The following CALN1 variants were observed in gnomAD, a reference collection of about 807,000 sequenced individuals.
The protein encoded by CALN1 is calneuron 1.
Under a neutral mutation model 30.6 loss-of-function variants are expected in CALN1, and 17 were observed. The observed-to-expected ratio is 0.56, with a 90% CI of 0.38 to 0.83. CALN1 has a LOEUF of 0.83. Among genes scored for constraint, CALN1 ranks in the 40% least tolerant of loss-of-function variants. The pLI is 0.00. For synonymous variants in CALN1, 156 were observed against 131.4 expected, an observed-to-expected ratio of 1.19 and a Z score of -1.28; for missense variants, 291 against 354.9, an observed-to-expected ratio of 0.82 and a Z score of 1.45.
intron 5 of CALN1, among the ~76,000 whole-genome samples, chr7:71,988,608 A>G (rs1442762136): frequency 6.6e-6 from 1 of 152,044 alleles, no homozygotes; most frequent in African/African-American, 2.4e-5. Context: ...CTATATTTTT[A>G]ATTTATTTCT....
chr7:72,143,825 A>G (rs1215442834), intron 3 of CALN1, among the ~76,000 whole-genome samples: 2 of 152,224 alleles, frequency 1.3e-5, no homozygotes, highest in African/African-American at 2.4e-5. Context: ...AATATTCAAC[A>G]TTCTTAAAGA....
rs1214492345 is a variant in CALN1 at position 72,349,299 on chromosome 7, TG to T, written c.119+53951del. Among the ~76,000 whole-genome samples, 16 of 149,450 alleles carry T rather than the reference TG, an allele frequency of 1.1e-4. 1 individual carries two copies. In the Middle Eastern group the frequency reaches 0.018, roughly 167 times the overall value. On this transcript the variant is annotated intron_variant, in intron 2 of 6. Coordinates refer to ENST00000395275, the MANE Select transcript of CALN1 (RefSeq NM_031468.4). The stretch of plus-strand genomic sequence containing the variant: ...ACGCGTGCTTGTGTGTGTGTGTGTG[TG>T]TGTGTGTGTGTGTGTGTGTGTGTTG...
chr7:72,275,850 A>G (rs1289346572), intron 3 of CALN1, among the ~76,000 whole-genome samples: 1 of 152,164 alleles, frequency 6.6e-6, no homozygotes, highest in Non-Finnish European at 1.5e-5. Context: ...AGTGGAGGGC[A>G]TTTCACCAGG....
intron 4 of CALN1, among the ~76,000 whole-genome samples, chr7:72,031,376 C>T (rs374815087): frequency 1.6e-4 from 25 of 152,318 alleles, no homozygotes; most frequent in East Asian, 1.5e-3. Flanking sequence ...TTAACACTTG[C>T]TATGTGCCAG....
intron 5 of CALN1, among the ~76,000 whole-genome samples, chr7:71,923,974 CTT>C (rs1247936536): frequency 6.6e-6 from 1 of 152,044 alleles, no homozygotes; most frequent in Non-Finnish European, 1.5e-5. Flanking sequence ...GGGTGGATCA[CTT>C]GAGGTCAGGA....
At position 71,976,269 on chromosome 7, in the gene CALN1, C is replaced by T. The variant is rs41519252; in HGVS notation, c.501+47388G>A. On this transcript the variant is annotated intron_variant, in intron 5 of 6. Coordinates refer to ENST00000395275, the MANE Select transcript of CALN1 (RefSeq NM_031468.4). ...TGAAAGGTGATGAATCACGTAACAT[C>T]CCCAAGCAGGGTGGACTGAGAACCA... is the stretch of plus-strand genomic sequence containing the variant. Among the ~76,000 whole-genome samples the T allele has an allele frequency of 1.2e-3, 181 of 152,214 alleles. 3 individuals are homozygous for T. In the East Asian group the frequency reaches 0.031, roughly 26 times the overall value.
At chr7:71,975,150 G>A (rs1798042871) in intron 5 of CALN1, among the ~76,000 whole-genome samples, 1 of 152,108 alleles carries the variant, frequency 6.6e-6, no homozygotes, top group Non-Finnish European at 1.5e-5. Flanking sequence ...ACCCATCCCA[G>A]CAAACAAGCC....
In CALN1 at chr7:71,932,046, C is replaced by T. The variant is rs147840445; in HGVS notation, c.501+91611G>A. On this transcript the variant is annotated intron_variant, in intron 5 of 6. Coordinates refer to ENST00000395275, the MANE Select transcript of CALN1 (RefSeq NM_031468.4). ...GGTGGTAGCTTCTGGATTCAGCAAA[C>T]GGCTCACTGAATCACCAGCTTTTCT... 5.3e-5 allele frequency among the ~76,000 whole-genome samples: 8 copies of T among 152,264 alleles called. No homozygotes were observed. In the East Asian group the frequency reaches 1.2e-3, roughly 22 times the overall value.
intron 5 of CALN1, among the ~76,000 whole-genome samples, chr7:71,988,158 CAT>C (rs1798772316): frequency 6.6e-6 from 1 of 152,184 alleles, no homozygotes; most frequent in East Asian, 1.9e-4. Context: ...CAGTACTTGT[CAT>C]GTGTCAGGAA....
At chr7:72,208,953 TCCTC>T (rs1792102539) in intron 3 of CALN1, among the ~76,000 whole-genome samples, 1 of 151,956 alleles carries the variant, frequency 6.6e-6, no homozygotes, top group Middle Eastern at 3.4e-3. Context: ...CTTTCTTTCT[TCCTC>T]CCTCCCTCCC....
intron 5 of CALN1, among the ~76,000 whole-genome samples, chr7:71,831,793 GAGTC>G (rs1789291573): frequency 7.4e-6 from 1 of 134,496 alleles, no homozygotes; most frequent in African/African-American, 2.7e-5. Context: ...TCGGGAAGCT[GAGTC>G]AGAAGAATCG....
At chr7:72,076,390 G>T (rs1804728587) in intron 4 of CALN1, among the ~76,000 whole-genome samples, 1 of 151,246 alleles carries the variant, frequency 6.6e-6, no homozygotes, top group Admixed American at 6.6e-5. Context: ...CTTGAGGTCG[G>T]GAGTTCGAGA....
chr7:71,787,742 G>A lies in CALN1; in HGVS notation c.*33C>T, dbSNP rs1191694424. On this transcript the variant is annotated 3_prime_UTR_variant, in exon 7 of 7. Transcript: ENST00000395275. ...CCCGCACGGCATGCACATGCGCGGT[G>A]AGCTGCAACACAGTGTGGCTGGCGG... 1.2e-6 allele frequency: 2 copies of A among 1,611,380 alleles called. No individual in the cohort carries two copies. The highest frequency in any genetic ancestry group is 2.2e-5 in the East Asian group (1 of 44,814).
chr7:72,503,153 GA>G, the CALN1 span, among the ~76,000 whole-genome samples: 133 of 148,306 alleles, frequency 9.0e-4, no homozygotes, highest in African/African-American at 2.5e-3. Context: ...CTCAAAAAAA[GA>G]AAAAAAAAAT....
At chr7:72,038,602 G>T (rs844671) in intron 4 of CALN1, among the ~76,000 whole-genome samples, 95,109 of 151,806 alleles carry the variant, frequency 0.63, 30,021 homozygotes, top group East Asian at 0.76. Context: ...TCCAGATGGT[G>T]AGGCATTCTA....
chr7:72,182,762 A>G (rs1447091545), intron 3 of CALN1, among the ~76,000 whole-genome samples: 3 of 122,710 alleles, frequency 2.4e-5, no homozygotes, highest in Non-Finnish European at 4.9e-5. Flanking sequence ...AAATTCTACC[A>G]ATGTTGTAAA....
At chr7:72,349,317 T>A (rs1000338258) in intron 2 of CALN1, among the ~76,000 whole-genome samples, 1 of 104,246 alleles carries the variant, frequency 9.6e-6, no homozygotes, top group African/African-American at 3.6e-5. Flanking sequence ...TGTGTGTGTG[T>A]GTGTGTTGGG....
the CALN1 span, among the ~76,000 whole-genome samples, chr7:72,491,268 T>C: frequency 6.7e-6 from 1 of 150,240 alleles, no homozygotes; most frequent in Non-Finnish European, 1.5e-5. Context: ...AACAAAATGA[T>C]GCTCAAAAAT....
chr7:72,124,925 AAAAG>A (rs1440472870), intron 3 of CALN1, among the ~76,000 whole-genome samples: 8 of 152,210 alleles, frequency 5.3e-5, no homozygotes, highest in Admixed American at 6.5e-5. Context: ...ATTACATAAA[AAAAG>A]AATTACAACT....
Sources: allele counts gnomAD v4.1 joint callset (sites outside exome capture counted in the v4.1 genomes callset), GRCh38; gene constraint gnomAD v4.1.1; transcripts MANE v1.5; gene names NCBI Gene and HGNC (gene_info 2026-07-23, HGNC 2026-07-21).